Variants in ZNF577 observed in about 807,000 individuals in gnomAD.
The protein encoded by ZNF577 is zinc finger protein 577.
A neutral mutation model predicts 13.9 loss-of-function variants in ZNF577; 14 were observed. The ratio of observed to expected loss-of-function variants is 1.00; its 90% confidence interval spans 0.66 to 1.57. The LOEUF (loss-of-function observed/expected upper bound fraction) is 1.57. ZNF577 is among the 40% of genes most tolerant of loss of function. The probability of loss-of-function intolerance (pLI) is 0.00; values close to 1 mark genes in which losing one functional copy is unlikely to be tolerated. For missense variants in ZNF577, 555 were observed against 579.2 expected, an observed-to-expected ratio of 0.96 and a Z score of 0.43; for synonymous variants, 203 against 202.9, an observed-to-expected ratio of 1.00 and a Z score of 0.00.
intron 5 of ZNF577, among the ~76,000 whole-genome samples, chr19:51,874,366 G>C (rs2084721172): frequency 6.6e-6 from 1 of 152,040 alleles, no homozygotes; most frequent in African/African-American, 2.4e-5. Context: ...CAGTACAAAG[G>C]AAGTGGCTCA....
chr19:51,804,544 T>A (rs2084045273), downstream of ZNF577, among the ~76,000 whole-genome samples: 1 of 152,152 alleles, frequency 6.6e-6, no homozygotes, highest in African/African-American at 2.4e-5. Flanking sequence ...ACCAAAAAAA[T>A]TATGTAACAA....
downstream of ZNF577, among the ~76,000 whole-genome samples, chr19:51,864,962 T>G (rs2084543854): frequency 1.3e-5 from 2 of 152,136 alleles, no homozygotes; most frequent in Non-Finnish European, 2.9e-5. Flanking sequence ...CCAACTTAAG[T>G]CTTAGGAACC....
At position 51,873,195 on chromosome 19, in the gene ZNF577, A is replaced by G. The variant is rs9807843; in HGVS notation, c.795T>C (p.Thr265=). 0.05 allele frequency: 81,016 copies of G among 1,613,800 alleles called. 7,242 individuals are homozygous for G. The highest frequency in any genetic ancestry group is 0.28 in the African/African-American group (20,808 of 74,904). The part of the protein sequence containing the change: ...CRLNRHQRSH[T]GEKLYGCSVC... Reference sequence around the variant, plus strand: ...CACTGCACCCATAGAGTTTCTCTCCAGTATGTGATCGCTGATGTCTATTGA... The same window carrying G: ...CACTGCACCCATAGAGTTTCTCTCCGGTATGTGATCGCTGATGTCTATTGA... The change falls in exon 6 of 6, where the codon ACT becomes ACC. Residue 265 remains threonine, a synonymous_variant. Coordinates refer to ENST00000638348, the MANE Select transcript of ZNF577 (RefSeq NM_001370449.1).
chr19:51,835,338 G>C (rs2084282415), intron 9 of ZNF577, among the ~76,000 whole-genome samples: 1 of 150,952 alleles, frequency 6.6e-6, no homozygotes, highest in African/African-American at 2.4e-5. Flanking sequence ...ATATGAAACT[G>C]TCATAAAAAG....
chr19:51,861,897 CACCTGTATAGGTTCTCT>C (rs1450929096), intron 5 of ZNF577: 2 of 152,312 alleles, frequency 1.3e-5, no homozygotes, highest in African/African-American at 4.8e-5. Flanking sequence ...AGGAGTTTCT[CACCTGTATAGGTTCTCT>C]GTTATATAAT....
chr19:51,814,971 G>A (rs2084124335), intron 9 of ZNF577, among the ~76,000 whole-genome samples: 1 of 151,566 alleles, frequency 6.6e-6, no homozygotes, highest in Admixed American at 6.6e-5. Flanking sequence ...CACCACGTCT[G>A]GCTAATTTTC....
chr19:51,872,607 G>A lies in ZNF577; in HGVS notation c.1383C>T (p.Ser461=), dbSNP rs760746488. Reference sequence around the variant, plus strand: ...GGGCCACATTCACTTCATTTGTGAGGCTTATTCTCTGTTCAAATTCCTGAT... The same window carrying A: ...GGGCCACATTCACTTCATTTGTGAGACTTATTCTCTGTTCAAATTCCTGAT... ...VVNQEFEQRI[S]LTNEVNVAPS... Residue 461 remains serine, a synonymous_variant, in exon 6 of 6, where the codon AGC becomes AGT. Coordinates refer to ENST00000638348, the MANE Select transcript of ZNF577 (RefSeq NM_001370449.1). 3.7e-5 allele frequency: 60 copies of A among 1,613,858 alleles called. No homozygotes were observed. Among genetic ancestry groups the A allele is most frequent in the Non-Finnish European group, 4.8e-5 (57 of 1,179,970 alleles).
chr19:51,831,710 ACTAT>A (rs2084262092), intron 9 of ZNF577, among the ~76,000 whole-genome samples: 1 of 152,168 alleles, frequency 6.6e-6, no homozygotes, highest in Non-Finnish European at 1.5e-5. Flanking sequence ...ATCTGAATCC[ACTAT>A]CTGACTCCCA....
intron 9 of ZNF577, among the ~76,000 whole-genome samples, chr19:51,831,326 AG>A (rs1159669438): frequency 6.6e-6 from 1 of 152,188 alleles, no homozygotes; most frequent in Non-Finnish European, 1.5e-5. Context: ...CATGTTGGCC[AG>A]GCTGGTCTCA....
chr19:51,823,174 A>C (rs2084203439), intron 9 of ZNF577, among the ~76,000 whole-genome samples: 1 of 152,130 alleles, frequency 6.6e-6, no homozygotes, highest in Admixed American at 6.6e-5. Context: ...ATAGCATGTA[A>C]TATATGTCTA....
At chr19:51,879,873 A>G (rs1008893194) in intron 3 of ZNF577, among the ~76,000 whole-genome samples, 2 of 152,242 alleles carry the variant, frequency 1.3e-5, no homozygotes, top group African/African-American at 4.8e-5. Context: ...AACAAGCCGA[A>G]CTGGTGCTTT....
intron 10 of ZNF577, among the ~76,000 whole-genome samples, chr19:51,806,687 T>C (rs1281489709): frequency 1.3e-5 from 2 of 152,256 alleles, no homozygotes; most frequent in African/African-American, 4.8e-5. Flanking sequence ...AGGTCCATTG[T>C]CAATTTTTAA....
At chr19:51,875,482 T>C in intron 5 of ZNF577, among the ~76,000 whole-genome samples, 1 of 151,560 alleles carries the variant, frequency 6.6e-6, no homozygotes, top group Non-Finnish European at 1.5e-5. Flanking sequence ...GATGTAAAAA[T>C]GCAACGTGAT....
intron 10 of ZNF577, among the ~76,000 whole-genome samples, chr19:51,805,652 T>G (rs1036334873): frequency 6.6e-6 from 1 of 152,234 alleles, no homozygotes; most frequent in Non-Finnish European, 1.5e-5. Context: ...CTTCAGTTTG[T>G]AACTCAGTGT....
At chr19:51,863,743 A>C (rs1027917430), downstream of ZNF577, among the ~76,000 whole-genome samples, 2 of 152,260 alleles carry the variant, frequency 1.3e-5, no homozygotes, top group African/African-American at 4.8e-5. Context: ...GAAAACATAC[A>C]TAGGGACACT....
intron 5 of ZNF577, chr19:51,855,929 G>A (rs1047412163): frequency 1.3e-5 from 2 of 152,202 alleles, no homozygotes; most frequent in African/African-American, 2.4e-5. Flanking sequence ...CATGGCTACT[G>A]TGGTTCTGAG....
intron 10 of ZNF577, among the ~76,000 whole-genome samples, chr19:51,809,116 T>C (rs2084080529): frequency 6.6e-6 from 1 of 152,262 alleles, no homozygotes; most frequent in African/African-American, 2.4e-5. Context: ...TTCTTCAACA[T>C]TTTAAATCCT....
chr19:51,847,494 G>A (rs1269621045), intron 5 of ZNF577, among the ~76,000 whole-genome samples: 5 of 151,870 alleles, frequency 3.3e-5, no homozygotes, highest in African/African-American at 4.8e-5. Context: ...ATCACTAACC[G>A]CCAATCCCTG....
chr19:51,852,040 T>C (rs547466574), intron 5 of ZNF577, among the ~76,000 whole-genome samples: 1 of 152,316 alleles, frequency 6.6e-6, no homozygotes, highest in East Asian at 1.9e-4. Flanking sequence ...CCTGCTGCCA[T>C]GAAAGTATAA....
Sources: gnomAD v4.1 joint callset for allele counts (sites outside exome capture counted in the v4.1 genomes callset) on GRCh38, gnomAD v4.1.1 for gene constraint, MANE v1.5 for transcripts, NCBI Gene and HGNC (gene_info 2026-07-23, HGNC 2026-07-21) for gene names.